Variants in CDC42SE2 observed in about 807,000 individuals in gnomAD.
The protein encoded by CDC42SE2 is CDC42 small effector protein 2.
Under a neutral mutation model 11.5 loss-of-function variants are expected in CDC42SE2, and 3 were observed. The observed-to-expected ratio is 0.26, with a 90% CI of 0.12 to 0.67. The LOEUF is 0.67. Among genes scored for constraint, CDC42SE2 ranks in the 30% least tolerant of loss-of-function variants. The probability of loss-of-function intolerance (pLI) is 0.80; values close to 1 mark genes in which losing one functional copy is unlikely to be tolerated. For missense variants in CDC42SE2, 82 were observed against 106.8 expected (o/e 0.77, Z 1.02); for synonymous variants, 33 against 34.8 (o/e 0.95, Z 0.18).
Position 131,393,823 on chromosome 5 carries a change from T to G in CDC42SE2, c.*2732T>G, listed in dbSNP as rs961437337. On this transcript the variant is annotated 3_prime_UTR_variant, in exon 5 of 5. Transcript: ENST00000505065. ...AGTCTTTTTCCAAATCGCTGTTTTT[T>G]TTTTTTTTTTTTTTTTTTTTGCTGC... The G allele has an allele frequency of 1.6e-5, 2 of 126,356 alleles. No homozygotes were observed. The highest frequency in any genetic ancestry group is 7.4e-5 in the Admixed American group (1 of 13,534). 7.8% of individuals were successfully genotyped at this position (126,356 alleles called of 1,614,324 possible). A position where few individuals can be genotyped will look rare whatever the true frequency, so the allele number is the denominator to read the frequency against.
intron 1 of CDC42SE2, among the ~76,000 whole-genome samples, chr5:131,296,545 C>T (rs1223915311): frequency 6.6e-6 from 1 of 152,200 alleles, no homozygotes; most frequent in Non-Finnish European, 1.5e-5. Context: ...ACTCCAGTCT[C>T]TTGCCTTTGT....
intron 2 of CDC42SE2, among the ~76,000 whole-genome samples, chr5:131,330,549 A>G (rs1202534681): frequency 6.6e-6 from 1 of 152,114 alleles, no homozygotes; most frequent in African/African-American, 2.4e-5. Flanking sequence ...TTTCCCCATG[A>G]CAGTGGTTCC....
chr5:131,236,105 T>G, the CDC42SE2 span, among the ~76,000 whole-genome samples: 168 of 152,340 alleles, frequency 1.1e-3, 1 homozygote, highest in African/African-American at 3.5e-3. Context: ...TTTTTTCTTG[T>G]GTTTATCATA....
chr5:131,318,017 AGGAACCTCT>A (rs1032951432), intron 2 of CDC42SE2, among the ~76,000 whole-genome samples: 3 of 152,092 alleles, frequency 2.0e-5, no homozygotes, highest in African/African-American at 7.2e-5. Flanking sequence ...CCAAGATGCC[AGGAACCTCT>A]GCCTCCTGGG....
chr5:131,322,139 C>T (rs994659421), intron 2 of CDC42SE2, among the ~76,000 whole-genome samples: 1 of 152,156 alleles, frequency 6.6e-6, no homozygotes, highest in Non-Finnish European at 1.5e-5. Context: ...CATGAGCCAC[C>T]ACGCCTGGCA....
Position 131,273,158 on chromosome 5 carries a change from ATT to A in CDC42SE2, c.-455+9006_-455+9007del, listed in dbSNP as rs565779371. Among the ~76,000 whole-genome samples the A allele has an allele frequency of 6.0e-3, 836 of 138,894 alleles. 12 individuals are homozygous for A. The highest frequency in any genetic ancestry group is 0.02 in the African/African-American group (737 of 37,550). 91.1% of individuals were successfully genotyped at this position (138,894 alleles called of 152,430 possible). A position where few individuals can be genotyped will look rare whatever the true frequency, so the allele number is the denominator to read the frequency against. On this transcript the variant is annotated intron_variant, in intron 1 of 4. Coordinates refer to ENST00000505065, the MANE Select transcript of CDC42SE2 (RefSeq NM_001375635.1). ...TATATATATTTTACATTTTTTTATA[ATT>A]TTTTTTTTTTTTTGAGATAGAGTCT...
intron 1 of CDC42SE2, among the ~76,000 whole-genome samples, chr5:131,287,063 T>G (rs1757356621): frequency 1.3e-5 from 2 of 152,172 alleles, no homozygotes; most frequent in African/African-American, 4.8e-5. Context: ...GGCGCAATCT[T>G]GGCTGACTGC....
intron 2 of CDC42SE2, among the ~76,000 whole-genome samples, chr5:131,352,661 A>T (rs1394921199): frequency 1.3e-5 from 2 of 152,206 alleles, no homozygotes; most frequent in East Asian, 3.8e-4. Context: ...AGATCATCTT[A>T]AAATAAGTTA....
At chr5:131,271,788 A>C (rs1580723239) in intron 1 of CDC42SE2, among the ~76,000 whole-genome samples, 1 of 152,128 alleles carries the variant, frequency 6.6e-6, no homozygotes, top group African/African-American at 2.4e-5. Flanking sequence ...GCCTTTTCAT[A>C]CACATTCAAC....
intron 2 of CDC42SE2, among the ~76,000 whole-genome samples, chr5:131,354,233 G>A (rs1483794700): frequency 1.3e-5 from 2 of 151,902 alleles, no homozygotes; most frequent in Non-Finnish European, 2.9e-5. Context: ...GCAAGACCCT[G>A]TCTCAAAAAA....
chr5:131,344,411 C>G (rs779258705), intron 2 of CDC42SE2, among the ~76,000 whole-genome samples: 3 of 152,280 alleles, frequency 2.0e-5, no homozygotes, highest in East Asian at 1.9e-4. Context: ...GCTAGAACAG[C>G]AGTCTGAGAT....
intron 1 of CDC42SE2, among the ~76,000 whole-genome samples, chr5:131,267,860 T>C (rs1756902996): frequency 6.6e-6 from 1 of 152,088 alleles, no homozygotes; most frequent in Non-Finnish European, 1.5e-5. Context: ...TTTTATAAGA[T>C]TTTTGTCAAA....
At chr5:131,337,590 G>C (rs956718307) in intron 2 of CDC42SE2, among the ~76,000 whole-genome samples, 17 of 152,236 alleles carry the variant, frequency 1.1e-4, no homozygotes, top group Non-Finnish European at 2.2e-4. Context: ...AGGCAGGCAG[G>C]CCTTCTTGAG....
chr5:131,316,847 T>A (rs73786643), intron 2 of CDC42SE2, among the ~76,000 whole-genome samples: 2,630 of 152,296 alleles, frequency 0.017, 77 homozygotes, highest in African/African-American at 0.06. Context: ...TTCCTGTTAT[T>A]TGCTATAGAA....
intron 1 of CDC42SE2, among the ~76,000 whole-genome samples, chr5:131,306,432 T>C (rs1757779412): frequency 6.6e-6 from 1 of 152,228 alleles, no homozygotes. Context: ...TTCTGGGCTT[T>C]CTATCCTGTT....
At position 131,339,865 on chromosome 5, in the gene CDC42SE2, G is replaced by T. The variant is rs185933831; in HGVS notation, c.-285-19344G>T. Among the ~76,000 whole-genome samples, 3 of 150,502 alleles carry T rather than the reference G, an allele frequency of 2.0e-5. No individual in the cohort carries two copies. In the East Asian group the frequency reaches 5.8e-4, roughly 29 times the overall value. ...ATCATTGAACTAAAAGAGTCATGGA[G>T]AAAATTAATAGGTGGGTTAAATAGC... On this transcript the variant is annotated intron_variant, in intron 2 of 4. Transcript: ENST00000505065.
At chr5:131,238,576 C>A in the CDC42SE2 span, among the ~76,000 whole-genome samples, 2 of 148,408 alleles carry the variant, frequency 1.3e-5, no homozygotes, top group Non-Finnish European at 3.0e-5. Flanking sequence ...ATATAACAAA[C>A]CTGCACAATC....
chr5:131,336,646 A>G (rs1038956692), intron 2 of CDC42SE2, among the ~76,000 whole-genome samples: 1 of 151,936 alleles, frequency 6.6e-6, no homozygotes, highest in African/African-American at 2.4e-5. Flanking sequence ...ATAGTCCCAT[A>G]TTTCTTGGAG....
chr5:131,229,527 C>T, the CDC42SE2 span, among the ~76,000 whole-genome samples: 1 of 152,104 alleles, frequency 6.6e-6, no homozygotes, highest in South Asian at 2.1e-4. Context: ...GTAGCTGAGA[C>T]TATGGGCAGG....
Sources: allele counts gnomAD v4.1 joint callset (sites outside exome capture counted in the v4.1 genomes callset), GRCh38; gene constraint gnomAD v4.1.1; transcripts MANE v1.5; gene names NCBI Gene and HGNC (gene_info 2026-07-23, HGNC 2026-07-21).